The following HOXB9 variants were observed in gnomAD, a reference collection of about 807,000 sequenced individuals.
The protein encoded by HOXB9 is homeobox B9.
Under a neutral mutation model 21.5 loss-of-function variants are expected in HOXB9, and 10 were observed. That is an observed-to-expected ratio of 0.47 (90% confidence interval 0.29 to 0.79). HOXB9 has a LOEUF of 0.79. Ranked by LOEUF, HOXB9 falls within the 30% of genes least tolerant of loss-of-function variation. The probability of loss-of-function intolerance (pLI) is 0.10; values close to 1 mark genes in which losing one functional copy is unlikely to be tolerated. For missense variants in HOXB9, 375 were observed against 338.7 expected (o/e 1.11, Z -0.84); for synonymous variants, 156 against 151.2 (o/e 1.03, Z -0.23).
rs1298528296 is a variant in HOXB9 at position 48,626,098 on chromosome 17, C to T, written c.172G>A (p.Val58Met). Residue 58 changes from valine (V) to methionine (M), a missense_variant, in exon 1 of 2, where the codon GTG (valine) becomes ATG (methionine). Val to Met is a conservative substitution (Grantham distance 21). Transcript: ENST00000311177. ...AGCGGCGCCCAGGAGGCGCCGAACA[C>T]CGGCGCTTTGGGCTGGAAGCTGCAC... Reference protein sequence around the residue: ...PSCSFQPKAPVFGASWAPLSP... With the variant: ...PSCSFQPKAPMFGASWAPLSP... 1.3e-6 allele frequency: 2 copies of T among 1,578,682 alleles called. No individual in the cohort carries two copies. The highest frequency in any genetic ancestry group is 2.7e-5 in the African/African-American group (2 of 74,742).
At chr17:48,624,790 G>C (rs779627693) in intron 1 of HOXB9, among the ~76,000 whole-genome samples, 1 of 152,118 alleles carries the variant, frequency 6.6e-6, no homozygotes, top group Non-Finnish European at 1.5e-5. Context: ...AGCACCTCCT[G>C]AAAATCAGCC....
chr17:48,625,366 CG>C (rs1227759492), intron 1 of HOXB9, among the ~76,000 whole-genome samples: 6 of 152,220 alleles, frequency 3.9e-5, no homozygotes, highest in Non-Finnish European at 4.4e-5. Context: ...TTGCCCTCGC[CG>C]GCTCTCGGCC....
In HOXB9 at chr17:48,623,153, A is replaced by G; in HGVS notation, c.518-18T>C. On this transcript the variant is annotated intron_variant, in intron 1 of 1. Transcript: ENST00000311177. ...GGGGTTGGCTGAAAGAGAAGCAGCG[A>G]TAGAATCAAAGAAAGGAAGGGGGTG... is the stretch of plus-strand genomic sequence containing the variant. 1 of 1,600,446 alleles carries G rather than the reference A, an allele frequency of 6.2e-7. No individual in the cohort carries two copies. The highest frequency in any genetic ancestry group is 8.5e-7 in the Non-Finnish European group (1 of 1,170,400).
chr17:48,623,109 C>A lies in HOXB9; in HGVS notation c.544G>T (p.Ala182Ser), dbSNP rs1291560837. The A allele has an allele frequency of 1.9e-6, 3 of 1,613,486 alleles. No homozygotes were observed. Among genetic ancestry groups the A allele is most frequent in the African/African-American group, 2.7e-5 (2 of 74,954 alleles). Residue 182 changes from alanine (A) to serine (S), a missense_variant, in exon 2 of 2, where the codon GCT becomes TCT. Physicochemically the swap from Ala to Ser is moderately conservative, Grantham distance 99. Coordinates refer to ENST00000311177, the MANE Select transcript of HOXB9 (RefSeq NM_024017.5). The stretch of plus-strand genomic sequence containing the variant: ...CAGCGCTTTTTCCGGGAAGAGCGAG[C>A]GTGCAGCCAGTTGGCGGAGGGGTTG... ...QTNPSANWLH[A>S]RSSRKKRCPY...
chr17:48,626,116 A>G lies in HOXB9; in HGVS notation c.154T>C (p.Phe52Leu), dbSNP rs2070813782. The change falls in exon 1 of 2, where the codon TTC becomes CTC. Residue 52 changes from phenylalanine to leucine, a missense_variant. Transcript: ENST00000311177. ...AEHLEFPSCS[F>L]QPKAPVFGAS... ...CCGAACACCGGCGCTTTGGGCTGGA[A>G]GCTGCACGAGGGGAACTCCAGGTGC... 2 of 1,584,536 alleles carry G rather than the reference A, an allele frequency of 1.3e-6. No homozygotes were observed. The highest frequency in any genetic ancestry group is 1.8e-5 in the Admixed American group (1 of 56,284).
Position 48,622,081 on chromosome 17 carries a change from A to G in HOXB9, c.*819T>C, listed in dbSNP as rs2070775044. 1 of 152,270 alleles carries G rather than the reference A, an allele frequency of 6.6e-6. No homozygotes were observed. The highest frequency in any genetic ancestry group is 1.5e-5 in the Non-Finnish European group (1 of 68,048). 9.4% of individuals were successfully genotyped at this position (152,270 alleles called of 1,614,324 possible). A position where few individuals can be genotyped will look rare whatever the true frequency, so the allele number is the denominator to read the frequency against. On this transcript the variant is annotated 3_prime_UTR_variant, in exon 2 of 2. Transcript: ENST00000311177. The stretch of plus-strand genomic sequence containing the variant: ...TTTGTTGGAAGGAGAGGGAAACATC[A>G]TGCGGAATTAAACATTTCCTGCAAC...
In HOXB9 at chr17:48,626,133, T is replaced by G. The variant is rs762068683; in HGVS notation, c.137A>C (p.Glu46Ala). 53 of 1,591,032 alleles carry G rather than the reference T, an allele frequency of 3.3e-5. No homozygotes were observed. In the Admixed American group the frequency reaches 8.8e-4, roughly 26 times the overall value. ...SRQPGHAEHL[E>A]FPSCSFQPKA... ...GGGCTGGAAGCTGCACGAGGGGAAC[T>G]CCAGGTGCTCCGCGTGGCCCGGCTG... is the stretch of plus-strand genomic sequence containing the variant. The change falls in exon 1 of 2, where the codon GAG (glutamate) becomes GCG (alanine). Residue 46 changes from glutamate (E) to alanine (A), a missense_variant. Physicochemically the swap from Glu to Ala is moderately radical, Grantham distance 107. Transcript: ENST00000311177.
At position 48,622,768 on chromosome 17, in the gene HOXB9, A is replaced by G; in HGVS notation, c.*132T>C. On this transcript the variant is annotated 3_prime_UTR_variant, in exon 2 of 2. Coordinates refer to ENST00000311177, the MANE Select transcript of HOXB9 (RefSeq NM_024017.5). ...AAGGAGGGAGGTTCTAGGTGCAGAT[A>G]AAGGACTTGGAAGAGAGACTCCCTT... 1.5e-6 allele frequency: 1 copy of G among 656,800 alleles called. No individual in the cohort carries two copies. The highest frequency in any genetic ancestry group is 2.6e-6 in the Non-Finnish European group (1 of 379,740). The allele number at this position is 656,800 out of a possible 1,614,324, so 40.7% of individuals were successfully genotyped here. A position where few individuals can be genotyped will look rare whatever the true frequency, so the allele number is the denominator to read the frequency against.
rs1171896243 is a variant in HOXB9 at position 48,625,876 on chromosome 17, C to T, written c.394G>A (p.Gly132Ser). 1 of 1,606,912 alleles carries T rather than the reference C, an allele frequency of 6.2e-7. No homozygotes were observed. The highest frequency in any genetic ancestry group is 2.3e-5 in the East Asian group (1 of 43,884). ...LGAPGELLKQ[G>S]TPEYSLETSA... Reference sequence around the variant, plus strand: ...GTTTCCAAACTGTACTCGGGCGTGCCCTGTTTGAGCAGCTCCCCAGGCGCG... The same window carrying T: ...GTTTCCAAACTGTACTCGGGCGTGCTCTGTTTGAGCAGCTCCCCAGGCGCG... The change falls in exon 1 of 2, where the codon GGC becomes AGC. Residue 132 changes from glycine (G) to serine (S), a missense_variant. Transcript: ENST00000311177.
In HOXB9 at chr17:48,625,940, C is replaced by A; in HGVS notation, c.330G>T (p.Gly110=). 6.6e-7 allele frequency: 1 copy of A among 1,520,776 alleles called. No homozygotes were observed. Among genetic ancestry groups the A allele is most frequent in the Non-Finnish European group, 8.7e-7 (1 of 1,144,442 alleles). 94.2% of individuals were successfully genotyped at this position (1,520,776 alleles called of 1,614,324 possible). Reference sequence around the variant, plus strand: ...CCGCCTTCACCGCCGCCTGGCCCTGCCCCGGGGCCGCTTCGCCGCGCGGCG... The same window carrying A: ...CCGCCTTCACCGCCGCCTGGCCCTGACCCGGGGCCGCTTCGCCGCGCGGCG... ...EPAPRGEAAP[G]QGQAAVKAEP... Residue 110 remains glycine, a synonymous_variant, in exon 1 of 2, where the codon GGG becomes GGT. Transcript: ENST00000311177.
rs1344661889 is a variant in HOXB9 at position 48,622,966 on chromosome 17, G to A, written c.687C>T (p.Val229=). ...ARLLNLSERQ[V]KIWFQNRRMK... is the part of the protein sequence containing the mutation. Reference sequence around the variant, plus strand: ...TCCGCCGGTTCTGAAACCAGATTTTGACTTGTCTCTCACTCAGATTGAGGA... The same window carrying A: ...TCCGCCGGTTCTGAAACCAGATTTTAACTTGTCTCTCACTCAGATTGAGGA... The change falls in exon 2 of 2, where the codon GTC becomes GTT. Residue 229 remains valine, a synonymous_variant. Coordinates refer to ENST00000311177, the MANE Select transcript of HOXB9 (RefSeq NM_024017.5). 6.2e-7 allele frequency: 1 copy of A among 1,614,064 alleles called. No homozygotes were observed. The highest frequency in any genetic ancestry group is 8.5e-7 in the Non-Finnish European group (1 of 1,180,046).
intron 1 of HOXB9, among the ~76,000 whole-genome samples, chr17:48,623,364 G>A (rs1388366571): frequency 6.6e-6 from 1 of 152,188 alleles, no homozygotes; most frequent in East Asian, 1.9e-4. Flanking sequence ...GGCTTCCTCA[G>A]CACTTCCAAA....
At chr17:48,623,288 A>C (rs541541422) in intron 1 of HOXB9, among the ~76,000 whole-genome samples, 153 bp from the exon 2 acceptor site, 1 of 152,342 alleles carries the variant, frequency 6.6e-6, no homozygotes, top group East Asian at 1.9e-4. Context: ...CAGATGGGCC[A>C]GCCATTGCTA....
In HOXB9 at chr17:48,621,296, C is replaced by A. The variant is rs1232633969; in HGVS notation, c.*1604G>T. Reference sequence around the variant, plus strand: ...AATCGACAACTGAAAACAAGCGAGACAATCACCCCCAAAGAAATCACGAAA... The same window carrying A: ...AATCGACAACTGAAAACAAGCGAGAAAATCACCCCCAAAGAAATCACGAAA... On this transcript the variant is annotated 3_prime_UTR_variant, in exon 2 of 2. Coordinates refer to ENST00000311177, the MANE Select transcript of HOXB9 (RefSeq NM_024017.5). The A allele has an allele frequency of 6.6e-6, 1 of 150,678 alleles. No individual in the cohort carries two copies. The highest frequency in any genetic ancestry group is 1.5e-5 in the Non-Finnish European group (1 of 67,740). The allele number at this position is 150,678 out of a possible 1,614,324, so 9.3% of individuals were successfully genotyped here.
chr17:48,622,874 G>T lies in HOXB9; in HGVS notation c.*26C>A. 3 of 1,534,378 alleles carry T rather than the reference G, an allele frequency of 2.0e-6. No individual in the cohort carries two copies. Among genetic ancestry groups the T allele is most frequent in the Non-Finnish European group, 2.7e-6 (3 of 1,108,560 alleles). On this transcript the variant is annotated 3_prime_UTR_variant, in exon 2 of 2. Transcript: ENST00000311177. Reference sequence around the variant, plus strand: ...TAAGAGTGAGATGGGGAAGAGCTAGGGAGGACTGGGGGTAATCTTTAATCT... The same window carrying T: ...TAAGAGTGAGATGGGGAAGAGCTAGTGAGGACTGGGGGTAATCTTTAATCT...
Position 48,625,931 on chromosome 17 carries a change from C to A in HOXB9, c.339G>T (p.Gln113His), listed in dbSNP as rs2070810790. 2.6e-6 allele frequency: 4 copies of A among 1,563,204 alleles called. No individual in the cohort carries two copies. In the African/African-American group the frequency reaches 4.2e-5, roughly 16 times the overall value. The change falls in exon 1 of 2, where the codon CAG (glutamine) becomes CAT (histidine). Residue 113 changes from glutamine to histidine, a missense_variant. Gln to His is a conservative substitution (Grantham distance 24). Coordinates refer to ENST00000311177, the MANE Select transcript of HOXB9 (RefSeq NM_024017.5). Reference protein sequence around the residue: ...PRGEAAPGQGQAAVKAEPLLG... With the variant: ...PRGEAAPGQGHAAVKAEPLLG... ...GCAGCGGCTCCGCCTTCACCGCCGCCTGGCCCTGCCCCGGGGCCGCTTCGC... is the reference window on the plus strand; with the variant it reads ...GCAGCGGCTCCGCCTTCACCGCCGCATGGCCCTGCCCCGGGGCCGCTTCGC...
intron 1 of HOXB9, among the ~76,000 whole-genome samples, chr17:48,624,036 T>C (rs527550552): frequency 6.6e-6 from 1 of 152,182 alleles, no homozygotes; most frequent in African/African-American, 2.4e-5. Context: ...TGATCCTATG[T>C]GGGGGCTGGA....
At chr17:48,624,958 C>T (rs2070798230) in intron 1 of HOXB9, among the ~76,000 whole-genome samples, 1 of 152,186 alleles carries the variant, frequency 6.6e-6, no homozygotes, top group Admixed American at 6.5e-5. Context: ...GGAAGCGATT[C>T]CCCGACTCCC....
chr17:48,624,321 C>T (rs140304930), intron 1 of HOXB9, among the ~76,000 whole-genome samples: 43 of 152,232 alleles, frequency 2.8e-4, no homozygotes, highest in African/African-American at 1.0e-3. Flanking sequence ...ATGGGACCCG[C>T]AGCCGCATTA....
Sources: allele counts gnomAD v4.1 joint callset (sites outside exome capture counted in the v4.1 genomes callset), GRCh38; gene constraint gnomAD v4.1.1; transcripts MANE v1.5; gene names NCBI Gene and HGNC (gene_info 2026-07-23, HGNC 2026-07-21).